Variants in WWP2 observed in about 807,000 individuals in gnomAD.
WWP2 encodes the protein WW domain containing E3 ubiquitin protein ligase 2, also known as NEDD4-like E3 ubiquitin-protein ligase WWP2.
In WWP2, 57 loss-of-function variants were observed where a neutral mutation model predicts 121.0. The ratio of observed to expected loss-of-function variants is 0.47; its 90% CI spans 0.38 to 0.59. The LOEUF (loss-of-function observed/expected upper bound fraction) is 0.59. Ranked by LOEUF, WWP2 falls within the 20% of genes least tolerant of loss-of-function variation. The probability of loss-of-function intolerance (pLI) is 0.00; values close to 1 mark genes in which losing one functional copy is unlikely to be tolerated. For missense variants in WWP2, 962 were observed against 1,158.9 expected, an observed-to-expected ratio of 0.83 and a Z score of 2.47; for synonymous variants, 449 against 441.3, an observed-to-expected ratio of 1.02 and a Z score of -0.22.
At chr16:69,814,624 GAGAA>G (rs1596986180) in intron 4 of WWP2, among the ~76,000 whole-genome samples, 1 of 152,118 alleles carries the variant, frequency 6.6e-6, no homozygotes, top group East Asian at 1.9e-4. Flanking sequence ...GATTCAAAAA[GAGAA>G]AGAAAAAGAA....
chr16:69,763,874 C>T (rs868300258), intron 1 of WWP2, among the ~76,000 whole-genome samples: 24 of 152,244 alleles, frequency 1.6e-4, no homozygotes, highest in African/African-American at 5.1e-4. Context: ...CCCAAGTCTT[C>T]TACTCTTTTT....
At chr16:69,846,588 G>A (rs567433650) in intron 6 of WWP2, among the ~76,000 whole-genome samples, 16 of 152,238 alleles carry the variant, frequency 1.1e-4, no homozygotes, top group African/African-American at 3.9e-4. Context: ...TGGCATGGTG[G>A]CGTGCACCTG....
intron 1 of WWP2, 84 bp from the exon 2 acceptor site, chr16:69,786,912 T>C (rs1320385543): frequency 3.2e-6 from 4 of 1,251,064 alleles, no homozygotes; most frequent in Non-Finnish European, 4.5e-6. Context: ...CCTGTTTCTT[T>C]AAGCTTAAAT....
At chr16:69,815,705 T>C (rs1485625341) in intron 4 of WWP2, among the ~76,000 whole-genome samples, 2 of 150,564 alleles carry the variant, frequency 1.3e-5, no homozygotes, top group Non-Finnish European at 2.9e-5. Context: ...GAGAATTGCT[T>C]GAACCTGAGA....
chr16:69,874,735 T>A (rs2057705580), intron 7 of WWP2, among the ~76,000 whole-genome samples: 1 of 152,224 alleles, frequency 6.6e-6, no homozygotes, highest in African/African-American at 2.4e-5. Flanking sequence ...ATATTTTACT[T>A]CTTCCCTAAA....
At chr16:69,924,723 C>T (rs1032891271) in intron 10 of WWP2, among the ~76,000 whole-genome samples, 6 of 150,526 alleles carry the variant, frequency 4.0e-5, no homozygotes, top group African/African-American at 1.5e-4. Context: ...ACCCCCACCC[C>T]GAGACAAACA....
intron 1 of WWP2, among the ~76,000 whole-genome samples, 190 bp downstream of exon 1, chr16:69,762,581 G>T (rs1162265086): frequency 2.6e-5 from 4 of 151,458 alleles, no homozygotes; most frequent in Non-Finnish European, 5.9e-5. Flanking sequence ...CCGCCCGAGT[G>T]GGGTGGGCGC....
At chr16:69,804,214 CA>C (rs201784369) in intron 4 of WWP2, among the ~76,000 whole-genome samples, 2,163 of 152,252 alleles carry the variant, frequency 0.014, 49 homozygotes, top group African/African-American at 0.046. Context: ...ATGTTTTCAG[CA>C]TTTTCTTTCA....
intron 8 of WWP2, among the ~76,000 whole-genome samples, chr16:69,893,665 C>G (rs1251434139): frequency 1.3e-5 from 2 of 152,194 alleles, no homozygotes; most frequent in African/African-American, 4.8e-5. Context: ...CCTCAGCCTC[C>G]CAAGTAGCTG....
intron 4 of WWP2, among the ~76,000 whole-genome samples, chr16:69,836,252 T>A (rs2151865292): frequency 6.6e-6 from 1 of 152,174 alleles, no homozygotes; most frequent in South Asian, 2.1e-4. Context: ...ATGGCATTTG[T>A]TGGTTTTCTT....
chr16:69,808,882 G>A (rs192347512), intron 4 of WWP2, among the ~76,000 whole-genome samples: 2 of 152,298 alleles, frequency 1.3e-5, no homozygotes, highest in East Asian at 3.9e-4. Flanking sequence ...TTTCTATTGC[G>A]TATGTACAGA....
At chr16:69,916,865 TA>T (rs893744750) in intron 9 of WWP2, among the ~76,000 whole-genome samples, 3 of 151,288 alleles carry the variant, frequency 2.0e-5, no homozygotes, top group African/African-American at 4.9e-5. Flanking sequence ...GCCTTGAGTT[TA>T]AAAAAAAATC....
At chr16:69,784,068 C>G (rs964382110) in intron 1 of WWP2, among the ~76,000 whole-genome samples, 4 of 132,942 alleles carry the variant, frequency 3.0e-5, no homozygotes, top group African/African-American at 1.2e-4. Flanking sequence ...GGTTAAAACT[C>G]TTTTCTTTTT....
At chr16:69,915,987 A>G (rs1199482574) in intron 9 of WWP2, among the ~76,000 whole-genome samples, 1 of 151,694 alleles carries the variant, frequency 6.6e-6, no homozygotes, top group Non-Finnish European at 1.5e-5. Flanking sequence ...GCAGTGAGCC[A>G]TGATCCTGCT....
At chr16:69,814,058 A>G (rs2056445224) in intron 4 of WWP2, among the ~76,000 whole-genome samples, 1 of 152,196 alleles carries the variant, frequency 6.6e-6, no homozygotes, top group South Asian at 2.1e-4. Context: ...TCTCAGGCCA[A>G]CAAGCCCTTG....
intron 8 of WWP2, among the ~76,000 whole-genome samples, chr16:69,905,187 G>C (rs1231675653): frequency 6.6e-6 from 1 of 152,194 alleles, no homozygotes; most frequent in Non-Finnish European, 1.5e-5. Context: ...TCTGAGTGCT[G>C]CCCAGTTCCT....
Position 69,871,807 on chromosome 16 carries a change from G to C in WWP2, c.579G>C (p.Thr193=). The C allele has an allele frequency of 6.2e-7, 1 of 1,614,018 alleles. No individual in the cohort carries two copies. Among genetic ancestry groups the C allele is most frequent in the Non-Finnish European group, 8.5e-7 (1 of 1,180,004 alleles). ...GCTTTCTACTTTGAACCCCCAGGACGCACAGACATTCGGGTGCTTCAGCCA... is the reference window on the plus strand; with the variant it reads ...GCTTTCTACTTTGAACCCCCAGGACCCACAGACATTCGGGTGCTTCAGCCA... ...STNCFGGRSR[T]HRHSGASART... is the part of the protein sequence containing the mutation. Residue 193 remains threonine (T), a synonymous_variant, in exon 7 of 24, where the codon ACG becomes ACC. Coordinates refer to ENST00000359154, the MANE Select transcript of WWP2 (RefSeq NM_001270454.2).
In WWP2 at chr16:69,798,730, C is replaced by T. The variant is rs1312179363; in HGVS notation, c.119C>T (p.Ser40Phe). The stretch of plus-strand genomic sequence containing the variant: ...CATAATCGTCAACCTCGAATTAACT[C>T]CTACGTGGAGGTGGCGGTGGATGGA... Reference protein sequence around the residue: ...KVHNRQPRINSYVEVAVDGLP... With the variant: ...KVHNRQPRINFYVEVAVDGLP... The change falls in exon 3 of 24, where the codon TCC becomes TTC. Residue 40 changes from serine to phenylalanine, a missense_variant. Ser to Phe is a radical substitution (Grantham distance 155). This residue lies in a region of WWP2 where 145 missense variants were observed against 189.8 expected (regional missense o/e 0.76). Transcript: ENST00000359154. 1.2e-6 allele frequency: 2 copies of T among 1,614,108 alleles called. No individual in the cohort carries two copies. Among genetic ancestry groups the T allele is most frequent in the East Asian group, 4.5e-5 (2 of 44,882 alleles).
intron 4 of WWP2, among the ~76,000 whole-genome samples, chr16:69,815,891 A>G (rs1327633068): frequency 6.6e-6 from 1 of 152,016 alleles, no homozygotes; most frequent in African/African-American, 2.4e-5. Context: ...CTGAGTAGCT[A>G]AGACTACAGG....
Sources: gnomAD v4.1 joint callset for allele counts (sites outside exome capture counted in the v4.1 genomes callset) on GRCh38, gnomAD v4.1.1 for gene constraint, gnomAD v4.1.1 regional missense constraint, MANE v1.5 for transcripts, NCBI Gene and HGNC (gene_info 2026-07-23, HGNC 2026-07-21) for gene names.